IL6: variants seen among roughly 807,000 people sequenced by gnomAD.
The protein encoded by IL6 is interleukin-6.
In IL6, 5 loss-of-function variants were observed where a neutral mutation model predicts 18.0. The ratio of observed to expected loss-of-function variants is 0.28; its 90% CI spans 0.15 to 0.58. The LOEUF (loss-of-function observed/expected upper bound fraction) is 0.58. Among genes scored for constraint, IL6 ranks in the 20% least tolerant of loss-of-function variants. The probability of loss-of-function intolerance (pLI) is 0.90; values close to 1 mark genes in which losing one functional copy is unlikely to be tolerated. For synonymous variants in IL6, 97 were observed against 95.1 expected, an observed-to-expected ratio of 1.02 and a Z score of -0.12; for missense variants, 266 against 251.0, an observed-to-expected ratio of 1.06 and a Z score of -0.40.
intron 1 of IL6, 38 bp downstream of exon 1, chr7:22,727,319 G>T (rs757587594): frequency 6.2e-7 from 1 of 1,613,890 alleles, no homozygotes; most frequent in Non-Finnish European, 8.5e-7. Context: ...AACTGCCAGC[G>T]GCGGTCGAGC....
Position 22,731,738 on chromosome 7 carries a change from C to T in IL6, c.*165C>T, listed in dbSNP as rs1353831153. 1 of 355,674 alleles carries T rather than the reference C, an allele frequency of 2.8e-6. No homozygotes were observed. Among genetic ancestry groups the T allele is most frequent in the African/African-American group, 2.1e-5 (1 of 47,330 alleles). 22.0% of individuals were successfully genotyped at this position (355,674 alleles called of 1,614,324 possible). On this transcript the variant is annotated 3_prime_UTR_variant, in exon 5 of 5. Transcript: ENST00000258743. Reference sequence around the variant, plus strand: ...TTTATTAATATTTAAATATGTGAAGCTGAGTTAATTTATGTAAGTCATATT... The same window carrying T: ...TTTATTAATATTTAAATATGTGAAGTTGAGTTAATTTATGTAAGTCATATT...
Position 22,731,535 on chromosome 7 carries a change from T to G in IL6, c.601T>G (p.Phe201Val). The change falls in exon 5 of 5, where the codon TTC (phenylalanine) becomes GTC (valine). Residue 201 changes from phenylalanine (F) to valine (V), a missense_variant. Phe to Val is a conservative substitution (Grantham distance 50). Coordinates refer to ENST00000258743, the MANE Select transcript of IL6 (RefSeq NM_000600.5). ...THLILRSFKE[F>V]LQSSLRALRQ... is the part of the protein sequence containing the mutation. ...TCTCATTCTGCGCAGCTTTAAGGAG[T>G]TCCTGCAGTCCAGCCTGAGGGCTCT... is the stretch of plus-strand genomic sequence containing the variant. 1 of 1,604,952 alleles carries G rather than the reference T, an allele frequency of 6.2e-7. No individual in the cohort carries two copies. The highest frequency in any genetic ancestry group is 1.1e-5 in the South Asian group (1 of 89,890).
Position 22,731,582 on chromosome 7 carries a change from C to A in IL6, c.*9C>A, listed in dbSNP as rs1413449820. 4 of 1,574,604 alleles carry A rather than the reference C, an allele frequency of 2.5e-6. No individual in the cohort carries two copies. Among genetic ancestry groups the A allele is most frequent in the Non-Finnish European group, 3.5e-6 (4 of 1,153,352 alleles). ...CTCTTCGGCAAATGTAGCATGGGCA[C>A]CTCAGATTGTTGTTGTTAATGGGCA... On this transcript the variant is annotated 3_prime_UTR_variant, in exon 5 of 5. Transcript: ENST00000258743.
In IL6 at chr7:22,731,610, C is replaced by T. The variant is rs2069850; in HGVS notation, c.*37C>T. ...CAGATTGTTGTTGTTAATGGGCATTCCTTCTTCTGGTCAGAAACCTGTCCA... is the reference window on the plus strand; with the variant it reads ...CAGATTGTTGTTGTTAATGGGCATTTCTTCTTCTGGTCAGAAACCTGTCCA... On this transcript the variant is annotated 3_prime_UTR_variant, in exon 5 of 5. Coordinates refer to ENST00000258743, the MANE Select transcript of IL6 (RefSeq NM_000600.5). 8.4e-4 allele frequency: 1,271 copies of T among 1,513,046 alleles called. 11 individuals carry two copies. In the African/African-American group the frequency reaches 0.015, roughly 18 times the overall value. 93.7% of individuals were successfully genotyped at this position (1,513,046 alleles called of 1,614,324 possible).
At position 22,730,000 on chromosome 7, in the gene IL6, C is replaced by T. The variant is rs1324084643; in HGVS notation, c.471+340C>T. 29 of 985,268 alleles carry T rather than the reference C, an allele frequency of 2.9e-5. 1 individual carries two copies. Among genetic ancestry groups the T allele is most frequent in the Non-Finnish European group, 3.5e-5 (29 of 829,924 alleles). The allele number at this position is 985,268 out of a possible 1,614,324, so 61.0% of individuals were successfully genotyped here. A position where few individuals can be genotyped will look rare whatever the true frequency, so the allele number is the denominator to read the frequency against. On this transcript the variant is annotated intron_variant, in intron 4 of 4. Coordinates refer to ENST00000258743, the MANE Select transcript of IL6 (RefSeq NM_000600.5). ...AACTCCAGCCAGTGATCCACAGAAA[C>T]AAAGACCAAGGAGCACAAAATGATT...
chr7:22,728,631 C>T, intron 2 of IL6, 62 bp from the exon 3 acceptor site: 1 of 902,744 alleles, frequency 1.1e-6, no homozygotes, highest in South Asian at 1.4e-5. Context: ...AATGAAAAGG[C>T]CCTCTAGTGG....
chr7:22,731,674 A>C lies in IL6; in HGVS notation c.*101A>C. Reference sequence around the variant, plus strand: ...TTATGTTGTTCTCTATGGAGAACTAAAAGTATGAGCGTTAGGACACTATTT... The same window carrying C: ...TTATGTTGTTCTCTATGGAGAACTACAAGTATGAGCGTTAGGACACTATTT... On this transcript the variant is annotated 3_prime_UTR_variant, in exon 5 of 5. Coordinates refer to ENST00000258743, the MANE Select transcript of IL6 (RefSeq NM_000600.5). The C allele has an allele frequency of 1.5e-6, 1 of 687,354 alleles. No homozygotes were observed. Among genetic ancestry groups the C allele is most frequent in the South Asian group, 5.9e-5 (1 of 17,058 alleles). 42.6% of individuals were successfully genotyped at this position (687,354 alleles called of 1,614,324 possible). A position where few individuals can be genotyped will look rare whatever the true frequency, so the allele number is the denominator to read the frequency against.
Position 22,728,822 on chromosome 7 carries a change from A to C in IL6, c.324+16A>C. On this transcript the variant is annotated intron_variant, in intron 3 of 4. Transcript: ENST00000258743. ...ATTCAATGAGGTACCAACTTGTCGC[A>C]CTCACTTTTCACTATTCCTTAGGCA... 1 of 1,460,858 alleles carries C rather than the reference A, an allele frequency of 6.8e-7. No homozygotes were observed. Among genetic ancestry groups the C allele is most frequent in the East Asian group, 2.3e-5 (1 of 44,020 alleles). The allele number at this position is 1,460,858 out of a possible 1,614,324, so 90.5% of individuals were successfully genotyped here.
At chr7:22,730,848 AC>A (rs1345440464) in intron 4 of IL6, among the ~76,000 whole-genome samples, 1 of 152,136 alleles carries the variant, frequency 6.6e-6, no homozygotes, top group Non-Finnish European at 1.5e-5. Context: ...CCCCATCTCT[AC>A]AAAAAACCAA....
rs753209562 is a variant in IL6 at position 22,731,381 on chromosome 7, C to G, written c.472-25C>G. On this transcript the variant is annotated intron_variant, in intron 4 of 4. Transcript: ENST00000258743. ...AGGATTTATTCAACATTTAAACAATCCTTTTTACTTTCATTTTCCTTCAGG... is the reference window on the plus strand; with the variant it reads ...AGGATTTATTCAACATTTAAACAATGCTTTTTACTTTCATTTTCCTTCAGG... 3.9e-6 allele frequency: 6 copies of G among 1,534,148 alleles called. No individual in the cohort carries two copies. The African/African-American group carries it at 8.2e-5, about 21-fold the overall frequency.
intron 4 of IL6, 67 bp from the exon 5 acceptor site, chr7:22,731,339 G>A (rs1784120265): frequency 4.0e-6 from 5 of 1,264,488 alleles, no homozygotes; most frequent in Admixed American, 2.3e-5. Context: ...ATAGCCCAGA[G>A]CATCCCTCCA....
intron 3 of IL6, among the ~76,000 whole-genome samples, chr7:22,729,250 C>A (rs1162990013): frequency 6.6e-6 from 1 of 152,104 alleles, no homozygotes; most frequent in Non-Finnish European, 1.5e-5. Flanking sequence ...GCAGGAAGAA[C>A]ATCAAGGGGG....
chr7:22,729,626 G>A lies in IL6; in HGVS notation c.437G>A (p.Ser146Asn). 2 of 1,614,168 alleles carry A rather than the reference G, an allele frequency of 1.2e-6. No individual in the cohort carries two copies. Among genetic ancestry groups the A allele is most frequent in the Middle Eastern group, 1.7e-4 (1 of 6,060 alleles). ...GAACAAGCCAGAGCTGTGCAGATGAGTACAAAAGTCCTGATCCAGTTCCTG... is the reference window on the plus strand; with the variant it reads ...GAACAAGCCAGAGCTGTGCAGATGAATACAAAAGTCCTGATCCAGTTCCTG... ...SEEQARAVQM[S>N]TKVLIQFLQK... Residue 146 changes from serine (S) to asparagine (N), a missense_variant, in exon 4 of 5, where the codon AGT becomes AAT. Transcript: ENST00000258743.
rs1241522143 is a variant in IL6, at chr7:22,729,651, G to A, written c.462G>A (p.Leu154=). The A allele has an allele frequency of 1.9e-6, 3 of 1,614,156 alleles. No individual in the cohort carries two copies. The highest frequency in any genetic ancestry group is 8.5e-7 in the Non-Finnish European group (1 of 1,180,028). ...GTACAAAAGTCCTGATCCAGTTCCT[G>A]CAGAAAAAGGTGGGTGTGTCCTCAT... is the stretch of plus-strand genomic sequence containing the variant. ...QMSTKVLIQF[L]QKKAKNLDAI... Residue 154 remains leucine, a synonymous_variant, in exon 4 of 5, where the codon CTG becomes CTA. Coordinates refer to ENST00000258743, the MANE Select transcript of IL6 (RefSeq NM_000600.5).
Position 22,729,090 on chromosome 7 carries a change from A to G in IL6, c.324+284A>G, listed in dbSNP as rs144717128. Among the ~76,000 whole-genome samples, 413 of 152,354 alleles carry G rather than the reference A, an allele frequency of 2.7e-3. 2 individuals are homozygous for G. Among genetic ancestry groups the G allele is most frequent in the African/African-American group, 9.6e-3 (400 of 41,586 alleles). ...AGTTCATCCTGGGAAAGGTACTCTC[A>G]GGGCCTTTTCCCTCTCTGGCTGCCC... is the stretch of plus-strand genomic sequence containing the variant. On this transcript the variant is annotated intron_variant, in intron 3 of 4. Transcript: ENST00000258743.
chr7:22,731,864 G>A lies in IL6; in HGVS notation c.*291G>A. The A allele has an allele frequency of 6.1e-6, 1 of 164,942 alleles. No individual in the cohort carries two copies. Among genetic ancestry groups the A allele is most frequent in the Non-Finnish European group, 1.3e-5 (1 of 76,976 alleles). 10.2% of individuals were successfully genotyped at this position (164,942 alleles called of 1,614,324 possible). ...TTGAATATCCTTTGTTTCAGAGCCA[G>A]ATCATTTCTTGGAAAGTGTAGGCTT... On this transcript the variant is annotated 3_prime_UTR_variant, in exon 5 of 5. Coordinates refer to ENST00000258743, the MANE Select transcript of IL6 (RefSeq NM_000600.5).
At chr7:22,730,231 C>A in intron 4 of IL6, 2 of 985,320 alleles carry the variant, frequency 2.0e-6, no homozygotes, top group Non-Finnish European at 2.4e-6. Context: ...AGCCAAAGCT[C>A]AATAAGAAGG....
In IL6 at chr7:22,727,223, A is replaced by T. The variant is rs1784021632; in HGVS notation, c.-40A>T. ...TCATTCTGCCCTCGAGCCCACCGGGAACGAAAGAGAAGCTCTATCTCCCCT... is the reference window on the plus strand; with the variant it reads ...TCATTCTGCCCTCGAGCCCACCGGGTACGAAAGAGAAGCTCTATCTCCCCT... On this transcript the variant is annotated 5_prime_UTR_variant, in exon 1 of 5. Transcript: ENST00000258743. The T allele has an allele frequency of 6.2e-7, 1 of 1,612,262 alleles. No homozygotes were observed.
At chr7:22,727,889 G>T (rs1290691767) in intron 2 of IL6, among the ~76,000 whole-genome samples, 2 of 152,144 alleles carry the variant, frequency 1.3e-5, no homozygotes, top group Admixed American at 6.5e-5. Context: ...GAGGGTTATT[G>T]CTTCTCAGGG....
Sources: allele counts gnomAD v4.1 joint callset (sites outside exome capture counted in the v4.1 genomes callset), GRCh38; gene constraint gnomAD v4.1.1; transcripts MANE v1.5; gene names NCBI Gene and HGNC (gene_info 2026-07-23, HGNC 2026-07-21).